Variants in RANBP2 observed in about 807,000 individuals in gnomAD.
RANBP2 encodes E3 SUMO-protein ligase RanBP2.
In RANBP2, 57 loss-of-function variants were observed where a neutral mutation model predicts 303.6. The observed-to-expected ratio is 0.19, with a 90% CI of 0.15 to 0.23. The LOEUF (loss-of-function observed/expected upper bound fraction) is 0.23. Ranked by LOEUF, RANBP2 falls within the 10% of genes least tolerant of loss-of-function variation. The pLI, the probability that RANBP2 is intolerant of heterozygous loss-of-function variation, is 1.00. For synonymous variants in RANBP2, 1,167 were observed against 1,301.5 expected (o/e 0.90, Z 2.23); for missense variants, 3,138 against 3,780.8 (o/e 0.83, Z 4.46).
the RANBP2 span, chr2:109,616,055 T>A: frequency 6.6e-7 from 1 of 1,506,396 alleles, no homozygotes; most frequent in Non-Finnish European, 8.9e-7. Context: ...CAAAGTCCAA[T>A]GTATTTGGGT....
the RANBP2 span, among the ~76,000 whole-genome samples, chr2:109,209,075 C>A: frequency 2.0e-5 from 3 of 152,212 alleles, no homozygotes; most frequent in East Asian, 1.9e-4. Flanking sequence ...CCGTGGCAGC[C>A]AGTACCTTAA....
the RANBP2 span, among the ~76,000 whole-genome samples, chr2:109,680,643 G>A: frequency 4.6e-5 from 7 of 152,158 alleles, no homozygotes; most frequent in African/African-American, 1.2e-4. Flanking sequence ...TTCCCCTGGC[G>A]CTGAGCTGAC....
At chr2:109,605,129 G>A in the RANBP2 span, among the ~76,000 whole-genome samples, 61 of 152,258 alleles carry the variant, frequency 4.0e-4, no homozygotes, top group South Asian at 4.4e-3. Flanking sequence ...GATTCCTTGA[G>A]ACTTGAATTG....
intron 1 of RANBP2, among the ~76,000 whole-genome samples, chr2:108,724,307 G>A (rs1346960970): frequency 5.9e-5 from 9 of 152,144 alleles, no homozygotes; most frequent in African/African-American, 1.7e-4. Flanking sequence ...GATTACAGGT[G>A]TGTGCCACCA....
chr2:109,145,746 C>T, the RANBP2 span, among the ~76,000 whole-genome samples: 20 of 152,330 alleles, frequency 1.3e-4, no homozygotes, highest in South Asian at 1.0e-3. Context: ...CCTCCCCACC[C>T]GTGTGAAAGG....
At chr2:108,981,076 C>G in the RANBP2 span, among the ~76,000 whole-genome samples, 1 of 152,158 alleles carries the variant, frequency 6.6e-6, no homozygotes, top group Non-Finnish European at 1.5e-5. Flanking sequence ...TGCTCACGGC[C>G]CGCTCTAAGC....
At chr2:109,185,924 G>A in the RANBP2 span, among the ~76,000 whole-genome samples, 67 of 152,264 alleles carry the variant, frequency 4.4e-4, no homozygotes, top group African/African-American at 1.5e-3. Flanking sequence ...CTCCTGGGAC[G>A]GCTGGCCCTG....
the RANBP2 span, among the ~76,000 whole-genome samples, chr2:109,015,843 A>G: frequency 1.1e-4 from 16 of 152,342 alleles, no homozygotes; most frequent in African/African-American, 3.6e-4. Flanking sequence ...TCAACTGTTT[A>G]TGTTATCCGT....
the RANBP2 span, among the ~76,000 whole-genome samples, chr2:109,237,616 T>A: frequency 6.6e-6 from 1 of 152,200 alleles, no homozygotes; most frequent in Admixed American, 6.5e-5. Context: ...GAATTTTTTT[T>A]AAAGCTCATC....
the RANBP2 span, among the ~76,000 whole-genome samples, chr2:109,658,233 G>A: frequency 4.0e-5 from 6 of 151,670 alleles, no homozygotes; most frequent in African/African-American, 1.5e-4. Flanking sequence ...GGATCACAAG[G>A]TCAGGAATTC....
the RANBP2 span, among the ~76,000 whole-genome samples, chr2:109,007,736 T>C: frequency 3.9e-5 from 6 of 152,206 alleles, no homozygotes; most frequent in African/African-American, 1.4e-4. Flanking sequence ...GTAACAGATA[T>C]TTTACTGGAA....
At chr2:109,235,428 A>G in the RANBP2 span, among the ~76,000 whole-genome samples, 1 of 152,282 alleles carries the variant, frequency 6.6e-6, no homozygotes, top group African/African-American at 2.4e-5. Flanking sequence ...GTGACTAGGT[A>G]CCATACAAAT....
the RANBP2 span, among the ~76,000 whole-genome samples, chr2:109,676,280 A>C: frequency 2.6e-5 from 4 of 152,208 alleles, no homozygotes; most frequent in Admixed American, 2.6e-4. Flanking sequence ...TAGCACCTCC[A>C]TCACCCTTTA....
At chr2:109,251,760 AC>A in the RANBP2 span, 2 of 585,128 alleles carry the variant, frequency 3.4e-6, no homozygotes, top group East Asian at 2.9e-5. Flanking sequence ...TGTTAAATAA[AC>A]TTTTGTAATA....
the RANBP2 span, among the ~76,000 whole-genome samples, chr2:109,357,408 C>T: frequency 6.6e-6 from 1 of 152,204 alleles, no homozygotes; most frequent in Non-Finnish European, 1.5e-5. Context: ...GTCTCGATCT[C>T]CTGACCTCGT....
At chr2:109,375,280 T>G in the RANBP2 span, among the ~76,000 whole-genome samples, 170 of 152,318 alleles carry the variant, frequency 1.1e-3, 2 homozygotes, top group Non-Finnish European at 8.5e-4. Flanking sequence ...CTCCTTGTCC[T>G]TTTCGCCCAT....
At chr2:109,043,573 G>A in the RANBP2 span, among the ~76,000 whole-genome samples, 1 of 152,164 alleles carries the variant, frequency 6.6e-6, no homozygotes, top group Non-Finnish European at 1.5e-5. Flanking sequence ...GACCTCAGGA[G>A]AGCTGACTGT....
At chr2:109,044,479 C>T in the RANBP2 span, among the ~76,000 whole-genome samples, 1 of 151,924 alleles carries the variant, frequency 6.6e-6, no homozygotes, top group Non-Finnish European at 1.5e-5. Context: ...ACCGAGATGG[C>T]GCCACTGCAC....
chr2:108,939,512 G>T, the RANBP2 span, among the ~76,000 whole-genome samples: 4 of 152,154 alleles, frequency 2.6e-5, no homozygotes, highest in Non-Finnish European at 4.4e-5. Flanking sequence ...CAAGTCCCAA[G>T]AAGAGATGAT....
Sources: gnomAD v4.1 joint callset for allele counts (sites outside exome capture counted in the v4.1 genomes callset) on GRCh38, gnomAD v4.1.1 for gene constraint, MANE v1.5 for transcripts, NCBI Gene and HGNC (gene_info 2026-07-23, HGNC 2026-07-21) for gene names.